DNAJC7: variants seen among roughly 807,000 people sequenced by gnomAD.
The protein encoded by DNAJC7 is DnaJ heat shock protein family (Hsp40) member C7.
Under a neutral mutation model 67.4 loss-of-function variants are expected in DNAJC7, and 18 were observed. The ratio of observed to expected loss-of-function variants is 0.27; its 90% confidence interval spans 0.18 to 0.40. The LOEUF (loss-of-function observed/expected upper bound fraction) is 0.40, where lower values mean the gene tolerates loss of function less well. DNAJC7 is among the 10% of genes least tolerant of loss of function. The probability of loss-of-function intolerance (pLI) is 1.00; values close to 1 mark genes in which losing one functional copy is unlikely to be tolerated. For missense variants in DNAJC7, 419 were observed against 613.8 expected, an observed-to-expected ratio of 0.68 and a Z score of 3.35; for synonymous variants, 220 against 207.8, an observed-to-expected ratio of 1.06 and a Z score of -0.50.
intron 1 of DNAJC7, chr17:42,014,140 A>C (rs2143371406): frequency 6.6e-6 from 1 of 151,770 alleles, no homozygotes; most frequent in East Asian, 1.9e-4. Flanking sequence ...GCAAAAAGTT[A>C]AACTGATTTT....
chr17:41,984,033 C>T (rs2051314047), intron 9 of DNAJC7, among the ~76,000 whole-genome samples: 1 of 152,182 alleles, frequency 6.6e-6, no homozygotes, highest in Non-Finnish European at 1.5e-5. Context: ...TATGAAAGAG[C>T]TTTGAAACCT....
At position 41,982,248 on chromosome 17, in the gene DNAJC7, A is replaced by T. The variant is rs782563249; in HGVS notation, c.1231+7T>A. 6.2e-7 allele frequency: 1 copy of T among 1,613,276 alleles called. No individual in the cohort carries two copies. Among genetic ancestry groups the T allele is most frequent in the Non-Finnish European group, 8.5e-7 (1 of 1,179,748 alleles). ...CCCACTGAGCCCACTCCCCGCACCT[A>T]CTCTACCTGGATGGTGCATCAAGGC... On this transcript the variant is annotated splice_region_variant and intron_variant, in intron 11 of 13. Coordinates refer to ENST00000457167, the MANE Select transcript of DNAJC7 (RefSeq NM_003315.4).
At chr17:41,996,949 A>G (rs1032495677) in intron 3 of DNAJC7, among the ~76,000 whole-genome samples, 166 bp downstream of exon 3, 10 of 152,196 alleles carry the variant, frequency 6.6e-5, no homozygotes, top group African/African-American at 2.2e-4. Context: ...TCAGTGATTA[A>G]AAGTCAGAGA....
chr17:42,016,664 A>G (rs2052301220), intron 1 of DNAJC7: 1 of 152,958 alleles, frequency 6.5e-6, no homozygotes, highest in Admixed American at 6.5e-5. Context: ...GCGCCCAAGC[A>G]GTTGCCCTCT....
At chr17:41,993,295 T>G (rs2051557157) in intron 5 of DNAJC7, among the ~76,000 whole-genome samples, 1 of 151,886 alleles carries the variant, frequency 6.6e-6, no homozygotes, top group Non-Finnish European at 1.5e-5. Context: ...CTGTCTCTAC[T>G]AAAAACACAA....
chr17:41,984,698 A>G (rs1212132263), intron 9 of DNAJC7: 1 of 152,110 alleles, frequency 6.6e-6, no homozygotes, highest in Non-Finnish European at 1.5e-5. Context: ...TGGCCTACCA[A>G]TTGAAGACTG....
At chr17:41,982,489 G>A in intron 10 of DNAJC7, 88 bp from the exon 11 acceptor site, 1 of 1,516,910 alleles carries the variant, frequency 6.6e-7, no homozygotes, top group Non-Finnish European at 8.9e-7. Context: ...GGAGTTAGAG[G>A]CCTTGTTAAC....
chr17:42,010,365 G>A (rs1242637348), intron 1 of DNAJC7, among the ~76,000 whole-genome samples: 21 of 151,682 alleles, frequency 1.4e-4, no homozygotes, highest in African/African-American at 5.1e-4. Context: ...GGTGGCGCAT[G>A]CCTGTAATTC....
chr17:41,985,920 TAAG>T (rs2051362440), intron 9 of DNAJC7: 1 of 152,072 alleles, frequency 6.6e-6, no homozygotes, highest in Admixed American at 6.6e-5. Context: ...ACCACAAAGA[TAAG>T]AAGTTGTCTG....
Position 41,976,834 on chromosome 17 carries a change from G to C in DNAJC7, c.1448-64C>G, listed in dbSNP as rs1369199162. On this transcript the variant is annotated intron_variant, in intron 13 of 13. Transcript: ENST00000457167. The stretch of plus-strand genomic sequence containing the variant: ...TTTCTAAGGAAGATCACTTTGCTCT[G>C]ATTATGGAAAAGTCTTCAAGGGCTG... The C allele has an allele frequency of 5.7e-6, 9 of 1,579,690 alleles. No individual in the cohort carries two copies. In the East Asian group the frequency reaches 1.6e-4, roughly 28 times the overall value.
At chr17:42,017,090 G>A (rs1472760569) in intron 1 of DNAJC7, 2 of 1,420,314 alleles carry the variant, frequency 1.4e-6, no homozygotes, top group East Asian at 2.6e-5. Flanking sequence ...TCTCCTATAA[G>A]GACGATCGTC....
intron 1 of DNAJC7, among the ~76,000 whole-genome samples, chr17:42,008,553 G>A (rs1396000436): frequency 6.6e-6 from 1 of 151,662 alleles, no homozygotes; most frequent in Non-Finnish European, 1.5e-5. Flanking sequence ...GTGACTACAG[G>A]CGCCTGCCAC....
chr17:42,009,063 G>A (rs549092974), intron 1 of DNAJC7, among the ~76,000 whole-genome samples: 138 of 152,264 alleles, frequency 9.1e-4, no homozygotes, highest in African/African-American at 2.9e-3. Flanking sequence ...TTTATGCTCG[G>A]TGCTTCATCC....
chr17:41,994,811 A>G, intron 5 of DNAJC7, 59 bp downstream of exon 5: 1 of 1,458,786 alleles, frequency 6.9e-7, no homozygotes. Flanking sequence ...TCACACACAC[A>G]CACGAATGGG....
rs1555647321 is a variant in DNAJC7 at position 41,989,279 on chromosome 17, G to C, written c.753+125C>G. 3 of 1,308,354 alleles carry C rather than the reference G, an allele frequency of 2.3e-6. No homozygotes were observed. The East Asian group carries it at 7.0e-5, about 30-fold the overall frequency. 81.0% of individuals were successfully genotyped at this position (1,308,354 alleles called of 1,614,324 possible). On this transcript the variant is annotated intron_variant, in intron 7 of 13. Transcript: ENST00000457167. ...TGAAACCATTTCTAATAAAGACCAA[G>C]CATCCTTGCAAAGCAGGAGGAAAAG...
intron 1 of DNAJC7, chr17:42,013,180 C>T (rs1019132413): frequency 1.3e-5 from 2 of 152,194 alleles, no homozygotes; most frequent in Admixed American, 6.5e-5. Flanking sequence ...TTAAGCGATC[C>T]TCTCATTTTG....
intron 1 of DNAJC7, among the ~76,000 whole-genome samples, chr17:42,008,565 A>ACGCCCAGCTAATTTTTTTG (rs2052034172): frequency 6.6e-6 from 1 of 151,552 alleles, no homozygotes; most frequent in African/African-American, 2.4e-5. Context: ...GCCTGCCACC[A>ACGCCCAGCTAATTTTTTTG]CGCCCAGCTA....
intron 2 of DNAJC7, among the ~76,000 whole-genome samples, chr17:41,999,373 C>G (rs1461678882): frequency 6.6e-6 from 1 of 152,096 alleles, no homozygotes; most frequent in African/African-American, 2.4e-5. Flanking sequence ...CCGCCCGCCT[C>G]GGCCTCCCAA....
At chr17:42,002,090 G>A (rs1383042711) in intron 1 of DNAJC7, among the ~76,000 whole-genome samples, 1 of 152,184 alleles carries the variant, frequency 6.6e-6, no homozygotes, top group Admixed American at 6.5e-5. Context: ...TCACCATCCT[G>A]TAACTCTAAA....
Sources: allele counts gnomAD v4.1 joint callset (sites outside exome capture counted in the v4.1 genomes callset), GRCh38; gene constraint gnomAD v4.1.1; transcripts MANE v1.5; gene names NCBI Gene and HGNC (gene_info 2026-07-23, HGNC 2026-07-21).